Variants in SGCZ observed in about 807,000 individuals in gnomAD.
The protein encoded by SGCZ is zeta-sarcoglycan.
SGCZ carries 40 observed loss-of-function variants against 41.3 expected under a neutral mutation model. The observed-to-expected ratio is 0.97, with a 90% confidence interval of 0.75 to 1.26. The LOEUF is 1.26. Among genes scored for constraint, SGCZ ranks in the 50% most tolerant of loss-of-function variants. The pLI is 0.00. For synonymous variants in SGCZ, 206 were observed against 137.5 expected (o/e 1.50, Z -3.49); for missense variants, 552 against 369.8 (o/e 1.49, Z -4.04).
At chr8:14,730,959 T>C (rs1449922709) in intron 1 of SGCZ, among the ~76,000 whole-genome samples, 1 of 151,726 alleles carries the variant, frequency 6.6e-6, no homozygotes, top group Non-Finnish European at 1.5e-5. Context: ...AGTTCAACCA[T>C]TGTGGAAGAC....
chr8:15,166,713 A>G (rs1237627471), intron 1 of SGCZ, among the ~76,000 whole-genome samples: 1 of 152,186 alleles, frequency 6.6e-6, no homozygotes, highest in Non-Finnish European at 1.5e-5. Context: ...CTTATTTGTC[A>G]ATTGTGTTTC....
chr8:14,925,662 A>C (rs1332997931), intron 1 of SGCZ, among the ~76,000 whole-genome samples: 1 of 152,208 alleles, frequency 6.6e-6, no homozygotes, highest in Admixed American at 6.5e-5. Context: ...GAAGCATCCT[A>C]TGCCAGATCC....
At chr8:14,560,115 G>A (rs555644241) in intron 1 of SGCZ, among the ~76,000 whole-genome samples, 1 of 152,184 alleles carries the variant, frequency 6.6e-6, no homozygotes, top group South Asian at 2.1e-4. Flanking sequence ...CAGTTCGATA[G>A]AAGGGATGAG....
chr8:14,611,915 G>A (rs1247176286), intron 1 of SGCZ, among the ~76,000 whole-genome samples: 1 of 152,146 alleles, frequency 6.6e-6, no homozygotes, highest in Non-Finnish European at 1.5e-5. Context: ...TATTTGCACT[G>A]TGTAAAATAC....
chr8:14,775,660 G>T (rs796366391), intron 1 of SGCZ, among the ~76,000 whole-genome samples: 31 of 152,270 alleles, frequency 2.0e-4, no homozygotes, highest in African/African-American at 7.0e-4. Flanking sequence ...GTTACATAGA[G>T]AAGTAAGTGT....
intron 1 of SGCZ, among the ~76,000 whole-genome samples, chr8:14,662,968 CT>C (rs530974820): frequency 1.2e-4 from 18 of 152,248 alleles, no homozygotes; most frequent in African/African-American, 2.4e-4. Flanking sequence ...GAATCTCAGT[CT>C]TACAGTCTCA....
intron 1 of SGCZ, among the ~76,000 whole-genome samples, chr8:14,606,484 G>C (rs1585119672): frequency 6.6e-6 from 1 of 152,240 alleles, no homozygotes; most frequent in Non-Finnish European, 1.5e-5. Context: ...CAGCATTCTG[G>C]CTTCTTCTCA....
At chr8:14,266,429 T>A (rs1757074917) in intron 3 of SGCZ, among the ~76,000 whole-genome samples, 1 of 152,032 alleles carries the variant, frequency 6.6e-6, no homozygotes, top group South Asian at 2.1e-4. Flanking sequence ...TATTAAAAAG[T>A]GTTTTTCTCA....
At chr8:15,131,635 G>A (rs1265029552) in intron 1 of SGCZ, among the ~76,000 whole-genome samples, 2 of 152,142 alleles carry the variant, frequency 1.3e-5, no homozygotes, top group Non-Finnish European at 2.9e-5. Context: ...CGATTTCTGT[G>A]AGTCAGCTAA....
chr8:14,483,065 T>C (rs1470940420), intron 2 of SGCZ, among the ~76,000 whole-genome samples: 1 of 152,108 alleles, frequency 6.6e-6, no homozygotes, highest in African/African-American at 2.4e-5. Context: ...AATTTCTCTC[T>C]CATTTCCACA....
At chr8:14,520,278 T>C (rs78677914) in intron 2 of SGCZ, among the ~76,000 whole-genome samples, 3,860 of 152,242 alleles carry the variant, frequency 0.025, 115 homozygotes, top group African/African-American at 0.07. Flanking sequence ...CTGGCAGCCA[T>C]AGGGTTTCTA....
chr8:14,942,920 G>A (rs1027596298), intron 1 of SGCZ, among the ~76,000 whole-genome samples: 1 of 151,984 alleles, frequency 6.6e-6, no homozygotes, highest in Non-Finnish European at 1.5e-5. Flanking sequence ...AGGCTATATT[G>A]CTACTCTTCA....
chr8:14,766,203 G>T (rs1201242510), intron 1 of SGCZ, among the ~76,000 whole-genome samples: 1 of 151,892 alleles, frequency 6.6e-6, no homozygotes, highest in Admixed American at 6.6e-5. Context: ...CAGGTGATCC[G>T]CCCGCCTCGA....
chr8:15,049,539 T>C (rs1263314884), intron 1 of SGCZ, among the ~76,000 whole-genome samples: 2 of 152,122 alleles, frequency 1.3e-5, no homozygotes, highest in African/African-American at 2.4e-5. Context: ...CTCTCCAATA[T>C]TGAATGATTT....
At chr8:15,198,956 A>G (rs1380585304) in intron 1 of SGCZ, among the ~76,000 whole-genome samples, 1 of 152,218 alleles carries the variant, frequency 6.6e-6, no homozygotes, top group African/African-American at 2.4e-5. Flanking sequence ...CTTTGATTCA[A>G]TGTTGTTTAA....
At chr8:14,708,823 G>GTC (rs1265748588) in intron 1 of SGCZ, among the ~76,000 whole-genome samples, 1 of 151,626 alleles carries the variant, frequency 6.6e-6, no homozygotes, top group Non-Finnish European at 1.5e-5. Flanking sequence ...GTGTGTGTGT[G>GTC]TGTGTGTGTG....
chr8:14,406,821 T>A (rs1466854412), intron 2 of SGCZ, among the ~76,000 whole-genome samples: 1 of 152,112 alleles, frequency 6.6e-6, no homozygotes, highest in Non-Finnish European at 1.5e-5. Flanking sequence ...TAAATATGAG[T>A]GCAGCACTGA....
chr8:14,551,121 T>A (rs551510997), intron 2 of SGCZ, among the ~76,000 whole-genome samples: 1 of 150,562 alleles, frequency 6.6e-6, no homozygotes, highest in South Asian at 2.1e-4. Context: ...TAATTCTTTT[T>A]TTTTTTTTTG....
At chr8:14,304,336 G>A (rs891661770) in intron 3 of SGCZ, among the ~76,000 whole-genome samples, 1 of 152,074 alleles carries the variant, frequency 6.6e-6, no homozygotes, top group Admixed American at 6.6e-5. Context: ...GTGCACACCT[G>A]TAATACCATC....
Sources: allele counts gnomAD v4.1 joint callset (sites outside exome capture counted in the v4.1 genomes callset), GRCh38; gene constraint gnomAD v4.1.1; transcripts MANE v1.5; gene names NCBI Gene and HGNC (gene_info 2026-07-23, HGNC 2026-07-21).